The following GALNT10 variants were observed in gnomAD, a reference collection of about 807,000 sequenced individuals.
GALNT10 encodes the protein polypeptide N-acetylgalactosaminyltransferase 10, also known as GalNAc transferase 10.
In GALNT10, 41 loss-of-function variants were observed where a neutral mutation model predicts 75.0. The observed-to-expected ratio is 0.55, with a 90% CI of 0.43 to 0.71. The LOEUF is 0.71. Among genes scored for constraint, GALNT10 ranks in the 30% least tolerant of loss-of-function variants. The pLI is 0.00. For missense variants in GALNT10, 727 were observed against 818.5 expected (o/e 0.89, Z 1.36); for synonymous variants, 302 against 313.0 (o/e 0.96, Z 0.37).
chr5:154,344,617 A>G (rs1161544709), intron 4 of GALNT10, among the ~76,000 whole-genome samples: 2 of 152,138 alleles, frequency 1.3e-5, no homozygotes, highest in Non-Finnish European at 2.9e-5. Flanking sequence ...ACTCCTACGG[A>G]TCCTATCTCT....
intron 4 of GALNT10, among the ~76,000 whole-genome samples, chr5:154,358,501 T>G (rs1406113711): frequency 1.3e-5 from 2 of 152,138 alleles, no homozygotes; most frequent in Non-Finnish European, 2.9e-5. Context: ...TTAGAGAAAT[T>G]TAAGTAACTT....
chr5:154,262,468 G>A (rs1181530833), intron 1 of GALNT10, among the ~76,000 whole-genome samples: 1 of 152,154 alleles, frequency 6.6e-6, no homozygotes, highest in East Asian at 1.9e-4. Flanking sequence ...GTAGTTCAGT[G>A]ACCCCAATTA....
chr5:154,207,043 T>C (rs575932673), intron 1 of GALNT10, among the ~76,000 whole-genome samples: 21 of 152,308 alleles, frequency 1.4e-4, no homozygotes, highest in African/African-American at 5.1e-4. Context: ...AAGGAATCCA[T>C]TGCTACTGTT....
chr5:154,329,357 A>G, intron 3 of GALNT10: 1 of 548,114 alleles, frequency 1.8e-6, no homozygotes, highest in Non-Finnish European at 3.3e-6. Flanking sequence ...GGTCTTTTAT[A>G]CATATCCGCG....
At chr5:154,309,238 C>G (rs1370207281) in intron 3 of GALNT10, among the ~76,000 whole-genome samples, 3 of 151,916 alleles carry the variant, frequency 2.0e-5, no homozygotes, top group Non-Finnish European at 4.4e-5. Flanking sequence ...GCCCTGAGAC[C>G]ACTGTGCCTG....
chr5:154,251,346 A>G (rs1197141947), intron 1 of GALNT10, among the ~76,000 whole-genome samples: 1 of 152,180 alleles, frequency 6.6e-6, no homozygotes, highest in East Asian at 1.9e-4. Context: ...GTCTCAATCT[A>G]CAGGTTTCCC....
intron 1 of GALNT10, among the ~76,000 whole-genome samples, chr5:154,255,265 G>T (rs2034579): frequency 6.6e-6 from 1 of 151,660 alleles, no homozygotes; most frequent in South Asian, 2.1e-4. Context: ...ACTCATCAAG[G>T]TATATCCCTC....
At chr5:154,287,171 G>C (rs1403873553) in intron 1 of GALNT10, among the ~76,000 whole-genome samples, 1 of 152,162 alleles carries the variant, frequency 6.6e-6, no homozygotes, top group Non-Finnish European at 1.5e-5. Context: ...TTTATTCTTG[G>C]AGTTCTACTT....
chr5:154,264,744 CCCTTTGGT>C (rs1453943379), intron 1 of GALNT10, among the ~76,000 whole-genome samples: 6 of 152,146 alleles, frequency 3.9e-5, no homozygotes, highest in African/African-American at 1.4e-4. Flanking sequence ...TCCACAGTGA[CCCTTTGGT>C]CTCTGTCCAA....
At chr5:154,363,261 A>G (rs1363589982) in intron 4 of GALNT10, among the ~76,000 whole-genome samples, 3 of 152,162 alleles carry the variant, frequency 2.0e-5, no homozygotes, top group Non-Finnish European at 4.4e-5. Context: ...TGTCACTCAG[A>G]TGTTACATTC....
intron 4 of GALNT10, among the ~76,000 whole-genome samples, chr5:154,374,241 G>A (rs924575089): frequency 2.0e-5 from 3 of 152,310 alleles, no homozygotes; most frequent in South Asian, 2.1e-4. Context: ...GGGAAAGGGC[G>A]AGGGAAGCCA....
At chr5:154,328,464 C>CT (rs1016891000) in intron 3 of GALNT10, among the ~76,000 whole-genome samples, 1 of 152,166 alleles carries the variant, frequency 6.6e-6, no homozygotes, top group Non-Finnish European at 1.5e-5. Context: ...AAAAAACAAA[C>CT]TCACTGTTTT....
intron 1 of GALNT10, among the ~76,000 whole-genome samples, chr5:154,224,325 A>G (rs901761225): frequency 6.6e-6 from 1 of 152,262 alleles, no homozygotes; most frequent in African/African-American, 2.4e-5. Flanking sequence ...ATCCAAAAGT[A>G]GTAGCCACCT....
rs892587661 is a variant in GALNT10 at position 154,352,021 on chromosome 5, A to G, written c.568+22283A>G. On this transcript the variant is annotated intron_variant, in intron 4 of 11. Coordinates refer to ENST00000297107, the MANE Select transcript of GALNT10 (RefSeq NM_198321.4). The surrounding 1 kb of genome is among the most constrained non-coding windows in gnomAD (Gnocchi z 4.4). ...CACCTTTTTAGAGGTGAAAATGAGA[A>G]TCAGAAAGGCTGTGTGCCGTGTACA... is the stretch of plus-strand genomic sequence containing the variant. 6.6e-6 allele frequency among the ~76,000 whole-genome samples: 1 copy of G among 152,230 alleles called. No individual in the cohort carries two copies. Among genetic ancestry groups the G allele is most frequent in the African/African-American group, 2.4e-5 (1 of 41,452 alleles).
intron 4 of GALNT10, among the ~76,000 whole-genome samples, chr5:154,375,152 A>G (rs1485956464): frequency 6.6e-6 from 1 of 152,202 alleles, no homozygotes; most frequent in Non-Finnish European, 1.5e-5. Context: ...CAGCAAACCC[A>G]GGAATTTACT....
At chr5:154,260,487 C>G (rs1320815206) in intron 1 of GALNT10, among the ~76,000 whole-genome samples, 1 of 152,152 alleles carries the variant, frequency 6.6e-6, no homozygotes, top group African/African-American at 2.4e-5. Context: ...GCCTTTGTTA[C>G]TTAATTAGTC....
At chr5:154,358,129 T>G (rs150706158) in intron 4 of GALNT10, among the ~76,000 whole-genome samples, 28 of 152,266 alleles carry the variant, frequency 1.8e-4, no homozygotes, top group African/African-American at 6.5e-4. Flanking sequence ...TCTTTACCAT[T>G]TTTCTCCCTA....
chr5:154,327,453 G>C (rs758451763), intron 3 of GALNT10, among the ~76,000 whole-genome samples: 3 of 152,188 alleles, frequency 2.0e-5, no homozygotes, highest in Non-Finnish European at 4.4e-5. Flanking sequence ...AAACAAAGAA[G>C]CTATCAGTAC....
chr5:154,325,819 G>C (rs1754748166), intron 3 of GALNT10, among the ~76,000 whole-genome samples: 1 of 152,240 alleles, frequency 6.6e-6, no homozygotes, highest in East Asian at 1.9e-4. Flanking sequence ...ACAAGATAAG[G>C]ATGTGTGCTC....
Sources: allele counts gnomAD v4.1 joint callset (sites outside exome capture counted in the v4.1 genomes callset), GRCh38; gene constraint gnomAD v4.1.1; non-coding constraint Gnocchi (gnomAD v3.1); transcripts MANE v1.5; gene names NCBI Gene and HGNC (gene_info 2026-07-23, HGNC 2026-07-21).